Variants in ANK1 observed in about 807,000 individuals in gnomAD.
ANK1 encodes the protein ankyrin-1.
In ANK1, 51 loss-of-function variants were observed where a neutral mutation model predicts 210.4. That is an observed-to-expected ratio of 0.24 (90% CI 0.19 to 0.31). ANK1 has a LOEUF of 0.31. Among genes scored for constraint, ANK1 ranks in the 10% least tolerant of loss-of-function variants. The pLI is 1.00. For missense variants in ANK1, 2,051 were observed against 2,504.4 expected, an observed-to-expected ratio of 0.82 and a Z score of 3.86; for synonymous variants, 967 against 1,025.9, an observed-to-expected ratio of 0.94 and a Z score of 1.10.
At chr8:41,770,173 G>A (rs1842736784) in intron 1 of ANK1, among the ~76,000 whole-genome samples, 1 of 151,712 alleles carries the variant, frequency 6.6e-6, no homozygotes. Context: ...AGTAGAGATG[G>A]GATTTCTCCA....
At chr8:41,748,806 C>A (rs183087678) in intron 2 of ANK1, among the ~76,000 whole-genome samples, 1 of 152,162 alleles carries the variant, frequency 6.6e-6, no homozygotes, top group South Asian at 2.1e-4. Context: ...GAGGCTAAGG[C>A]GGGCAGATCA....
rs753845038 is a variant in ANK1 at position 41,714,994 on chromosome 8, G to A, written c.1683C>T (p.His561=). ...VAELLLERDA[H]PNAAGKNGLT... is the part of the protein sequence containing the mutation. ...AACTCACTTTTCCGGCAGCATTCGG[G>A]TGTGCGTCCCGCTCCAGCAGCAGCT... Residue 561 remains histidine, a synonymous_variant, in exon 15 of 43, where the codon CAC becomes CAT. Coordinates refer to ENST00000289734, the MANE Select transcript of ANK1 (RefSeq NM_000037.4). 1.1e-5 allele frequency: 17 copies of A among 1,614,086 alleles called. No homozygotes were observed. Among genetic ancestry groups the A allele is most frequent in the African/African-American group, 2.7e-5 (2 of 74,934 alleles).
chr8:41,818,508 T>G (rs956160783), intron 1 of ANK1, among the ~76,000 whole-genome samples: 1 of 152,198 alleles, frequency 6.6e-6, no homozygotes, highest in Non-Finnish European at 1.5e-5. Context: ...GGATGTGAGC[T>G]CTCTAAAAAT....
At chr8:41,657,880 CTTTATT>C (rs1014146975) in intron 42 of ANK1, among the ~76,000 whole-genome samples, 8 of 152,144 alleles carry the variant, frequency 5.3e-5, no homozygotes, top group Non-Finnish European at 1.0e-4. Flanking sequence ...CTCTTTCATT[CTTTATT>C]TTTATTTCAT....
intron 1 of ANK1, among the ~76,000 whole-genome samples, chr8:41,884,942 C>T (rs764275549): frequency 3.3e-5 from 5 of 151,780 alleles, no homozygotes; most frequent in East Asian, 1.9e-4. Context: ...CCTAGGAGCA[C>T]GGGGAGGCTT....
chr8:41,782,561 G>A (rs1845557205), intron 1 of ANK1, among the ~76,000 whole-genome samples: 2 of 152,152 alleles, frequency 1.3e-5, no homozygotes, highest in South Asian at 4.1e-4. Flanking sequence ...CCTAAACATT[G>A]TAGAGCCCTC....
chr8:41,717,197 G>C, intron 12 of ANK1, 146 bp from the exon 13 acceptor site: 1 of 803,628 alleles, frequency 1.2e-6, no homozygotes, highest in Non-Finnish European at 2.1e-6. Flanking sequence ...CTTTAGCCTG[G>C]TATGTGTGCA....
intron 10 of ANK1, among the ~76,000 whole-genome samples, chr8:41,719,010 A>G (rs17603128): frequency 0.3 from 45,880 of 152,112 alleles, 7,006 homozygotes; most frequent in Middle Eastern, 0.39. Flanking sequence ...TGAATGAGCC[A>G]TCCTCTGCCA....
chr8:41,660,314 C>A (rs1807546003), intron 42 of ANK1: 1 of 424,500 alleles, frequency 2.4e-6, no homozygotes, highest in Non-Finnish European at 4.7e-6. Flanking sequence ...TTGCCGAATG[C>A]AGAAAGCTAG....
Position 41,877,065 on chromosome 8 carries a change from G to A in ANK1, c.126+19290C>T, listed in dbSNP as rs370404744. 1.6e-4 allele frequency among the ~76,000 whole-genome samples: 24 copies of A among 152,194 alleles called. 1 individual carries two copies. Among genetic ancestry groups the A allele is most frequent in the Middle Eastern group, 3.2e-3 (1 of 316 alleles). ...TCCCAGTGCTTTGGGAGGCCGAGGC[G>A]GGAGGATTGCTTGAGGCTGGCAGTT... On this transcript the variant is annotated intron_variant, in intron 1 of 42. Transcript: ENST00000265709.
chr8:41,770,474 G>A (rs1031490076), intron 1 of ANK1, among the ~76,000 whole-genome samples: 3 of 152,098 alleles, frequency 2.0e-5, no homozygotes, highest in African/African-American at 4.8e-5. Context: ...TTTGGTACTC[G>A]GTTCTTATAA....
chr8:41,859,384 T>A (rs1039137592), intron 1 of ANK1, among the ~76,000 whole-genome samples: 3 of 152,266 alleles, frequency 2.0e-5, no homozygotes, highest in Admixed American at 2.0e-4. Flanking sequence ...TCTCGCTCTG[T>A]CGCCCAGGCT....
intron 1 of ANK1, among the ~76,000 whole-genome samples, chr8:41,866,583 T>C (rs537538076): frequency 6.6e-6 from 1 of 152,234 alleles, no homozygotes; most frequent in Non-Finnish European, 1.5e-5. Flanking sequence ...CACAGAACTC[T>C]TTTCATCTTG....
chr8:41,846,437 G>A (rs1035526407), intron 1 of ANK1, among the ~76,000 whole-genome samples: 1 of 152,232 alleles, frequency 6.6e-6, no homozygotes, highest in African/African-American at 2.4e-5. Flanking sequence ...CAAGGCCCGT[G>A]TGGGCTGCAG....
Position 41,718,173 on chromosome 8 carries a change from T to C in ANK1, c.1139A>G (p.Lys380Arg). The change falls in exon 11 of 43, where the codon AAA becomes AGA. Residue 380 changes from lysine to arginine, a missense_variant. Lys to Arg is a conservative substitution (Grantham distance 26, BLOSUM62 2). Transcript: ENST00000289734. The part of the protein sequence containing the change: ...NGFTPLHIAC[K>R]KNHVRVMELL... Reference sequence around the variant, plus strand: ...CTCCATGACACGGACGTGGTTCTTTTTGCAGGCGATGTGTAAGGGGGTAAA... The same window carrying C: ...CTCCATGACACGGACGTGGTTCTTTCTGCAGGCGATGTGTAAGGGGGTAAA... 1 of 1,614,002 alleles carries C rather than the reference T, an allele frequency of 6.2e-7. No homozygotes were observed. The highest frequency in any genetic ancestry group is 8.5e-7 in the Non-Finnish European group (1 of 1,179,988).
At chr8:41,758,852 C>A (rs1839806910) in intron 1 of ANK1, among the ~76,000 whole-genome samples, 1 of 152,126 alleles carries the variant, frequency 6.6e-6, no homozygotes, top group South Asian at 2.1e-4. Context: ...CCAAAGGAAC[C>A]AAGCGTGGGC....
At chr8:41,830,652 G>C (rs1478075631) in intron 1 of ANK1, among the ~76,000 whole-genome samples, 1 of 152,130 alleles carries the variant, frequency 6.6e-6, no homozygotes, top group African/African-American at 2.4e-5. Flanking sequence ...GGGCTTTCGG[G>C]GATAGGACCC....
intron 1 of ANK1, among the ~76,000 whole-genome samples, chr8:41,831,658 AG>A (rs1563866150): frequency 0.033 from 1,460 of 44,004 alleles, 58 homozygotes; most frequent in African/African-American, 0.12. Context: ...AAAAAAAAGA[AG>A]AAGAAAAAGA....
Position 41,725,898 on chromosome 8 carries a change from C to T in ANK1, c.475G>A (p.Val159Ile). 6.2e-7 allele frequency: 1 copy of T among 1,613,676 alleles called. No individual in the cohort carries two copies. Among genetic ancestry groups the T allele is most frequent in the Non-Finnish European group, 8.5e-7 (1 of 1,179,968 alleles). Residue 159 changes from valine to isoleucine, a missense_variant, in exon 6 of 43, where the codon GTC becomes ATC. Physicochemically the swap from Val to Ile is conservative, Grantham distance 29. Coordinates refer to ENST00000289734, the MANE Select transcript of ANK1 (RefSeq NM_000037.4). ...CCGTAGTTGATGAGGTGCGCGACGA[C>T]GTTCTCATGGCCCTGCTGCAGGGCT... ...AVALQQGHEN[V>I]VAHLINYGTK...
Sources: allele counts gnomAD v4.1 joint callset (sites outside exome capture counted in the v4.1 genomes callset), GRCh38; gene constraint gnomAD v4.1.1; transcripts MANE v1.5; gene names NCBI Gene and HGNC (gene_info 2026-07-23, HGNC 2026-07-21).